The following SAMM50 variants were observed in gnomAD, a reference collection of about 807,000 sequenced individuals.
SAMM50 encodes sorting and assembly machinery component 50 homolog.
Under a neutral mutation model 66.9 loss-of-function variants are expected in SAMM50, and 47 were observed. That is an observed-to-expected ratio of 0.70 (90% CI 0.56 to 0.90). The LOEUF (loss-of-function observed/expected upper bound fraction) is 0.90. Ranked by LOEUF, SAMM50 falls within the 40% of genes least tolerant of loss-of-function variation. The pLI is 0.00. For missense variants in SAMM50, 535 were observed against 595.3 expected (o/e 0.90, Z 1.05); for synonymous variants, 191 against 214.1 (o/e 0.89, Z 0.94).
Position 43,957,111 on chromosome 22 carries a change from A to G in SAMM50, c.21+1513A>G, listed in dbSNP as rs1159193149. ...CCAAAGGGAGCACACAGCTCTTCTT[A>G]AAATTGAAGGTGTTTATGCCCGAGA... On this transcript the variant is annotated intron_variant, in intron 1 of 14. Coordinates refer to ENST00000350028, the MANE Select transcript of SAMM50 (RefSeq NM_015380.5). 4 of 889,604 alleles carry G rather than the reference A, an allele frequency of 4.5e-6. No homozygotes were observed. The African/African-American group carries it at 6.6e-5, about 15-fold the overall frequency. 55.1% of individuals were successfully genotyped at this position (889,604 alleles called of 1,614,324 possible).
At chr22:43,982,535 A>C (rs1273673485) in intron 11 of SAMM50, among the ~76,000 whole-genome samples, 1 of 152,258 alleles carries the variant, frequency 6.6e-6, no homozygotes, top group African/African-American at 2.4e-5. Context: ...TGGGCACCCC[A>C]GAGCCTGGGA....
intron 14 of SAMM50, among the ~76,000 whole-genome samples, chr22:43,993,261 C>T (rs1197869000): frequency 6.6e-6 from 1 of 152,210 alleles, no homozygotes; most frequent in African/African-American, 2.4e-5. Context: ...CTCTGGGACC[C>T]GCCACTGTGC....
At position 43,972,251 on chromosome 22, in the gene SAMM50, C is replaced by T; in HGVS notation, c.338C>T (p.Pro113Leu). The change falls in exon 5 of 15, where the codon CCA becomes CTA. Residue 113 changes from proline to leucine, a missense_variant. By Grantham distance (98) the Pro-to-Leu change is moderately conservative. Coordinates refer to ENST00000350028, the MANE Select transcript of SAMM50 (RefSeq NM_015380.5). ...IDTCQGDDAL[P>L]NGLDVTFEVT... is the part of the protein sequence containing the mutation. ...TTTTATTTAGGTGATGACGCACTTC[C>T]AAATGGGTTAGACGTTACCTTTGAA... The T allele has an allele frequency of 6.3e-7, 1 of 1,582,168 alleles. No homozygotes were observed. Among genetic ancestry groups the T allele is most frequent in the South Asian group, 1.2e-5 (1 of 84,496 alleles).
At position 43,963,302 on chromosome 22, in the gene SAMM50, C is replaced by A; in HGVS notation, c.38C>A (p.Pro13Gln). 6.2e-7 allele frequency: 1 copy of A among 1,609,570 alleles called. No homozygotes were observed. Among genetic ancestry groups the A allele is most frequent in the East Asian group, 2.2e-5 (1 of 44,640 alleles). The change falls in exon 2 of 15, where the codon CCA becomes CAA. Residue 13 changes from proline (P) to glutamine (Q), a missense_variant. By Grantham distance (76) the Pro-to-Gln change is moderately conservative. Transcript: ENST00000350028. ...CCCTTTCAGAGTTTGGAGCCTCTTC[C>A]ATCAAGTGGACCTGATTTTGGAGGA... is the stretch of plus-strand genomic sequence containing the variant. ...TVHARSLEPLPSSGPDFGGLG... is the reference protein window; with the variant it reads ...TVHARSLEPLQSSGPDFGGLG...
chr22:43,963,145 G>C, intron 1 of SAMM50, 141 bp from the exon 2 acceptor site: 1 of 550,578 alleles, frequency 1.8e-6, no homozygotes, highest in Non-Finnish European at 3.2e-6. Context: ...TTACTCCCTG[G>C]TCCCTATTCC....
chr22:43,958,631 A>G (rs2050132359), intron 1 of SAMM50, among the ~76,000 whole-genome samples: 1 of 151,988 alleles, frequency 6.6e-6, no homozygotes, highest in South Asian at 2.1e-4. Context: ...GGCGTGTGCC[A>G]TCACACCTGG....
intron 14 of SAMM50, among the ~76,000 whole-genome samples, chr22:43,994,086 G>T (rs992941317): frequency 6.6e-6 from 1 of 152,174 alleles, no homozygotes; most frequent in Non-Finnish European, 1.5e-5. Context: ...TTGTTGGGGA[G>T]GGTGCTGAGA....
intron 14 of SAMM50, among the ~76,000 whole-genome samples, chr22:43,991,234 C>T (rs2050323166): frequency 6.6e-6 from 1 of 151,798 alleles, no homozygotes; most frequent in African/African-American, 2.4e-5. Context: ...CCTCAGCCTC[C>T]CAAAGTGCTG....
intron 1 of SAMM50, chr22:43,957,390 G>GA (rs748564771): frequency 0.033 from 11,933 of 363,436 alleles, 26 homozygotes; most frequent in Middle Eastern, 0.042. Flanking sequence ...TTGTGCTCTT[G>GA]AAAAAAAAAA....
intron 12 of SAMM50, among the ~76,000 whole-genome samples, chr22:43,984,879 C>T (rs2050284396): frequency 6.6e-6 from 1 of 151,968 alleles, no homozygotes; most frequent in African/African-American, 2.4e-5. Context: ...ATCCACCGGC[C>T]TTGGCCTTCT....
intron 3 of SAMM50, among the ~76,000 whole-genome samples, chr22:43,967,230 C>A (rs1170411961): frequency 6.6e-6 from 1 of 152,212 alleles, no homozygotes; most frequent in Non-Finnish European, 1.5e-5. Context: ...CTAGCCAGCT[C>A]CTCTGTGTTG....
rs5764449 is a variant in SAMM50 at position 43,985,763 on chromosome 22, C to A, written c.1075+1763C>A. ...TGTTTGGTCACGTGTTAAGAGCACG[C>A]CTCCCCTTTGTAAGGAGCTGCCAGG... On this transcript the variant is annotated intron_variant, in intron 12 of 14. Coordinates refer to ENST00000350028, the MANE Select transcript of SAMM50 (RefSeq NM_015380.5). Among the ~76,000 whole-genome samples the A allele has an allele frequency of 5.3e-5, 8 of 152,070 alleles. No individual in the cohort carries two copies. In the East Asian group the frequency reaches 1.5e-3, roughly 29 times the overall value.
At chr22:43,994,722 C>T (rs1407315573) in intron 14 of SAMM50, among the ~76,000 whole-genome samples, 1 of 152,136 alleles carries the variant, frequency 6.6e-6, no homozygotes, top group Non-Finnish European at 1.5e-5. Context: ...ATGTTTGGGG[C>T]TGTCTGGAGG....
rs569129809 is a variant in SAMM50 at position 43,964,549 on chromosome 22, T to C, written c.230T>C (p.Ile77Thr). The C allele has an allele frequency of 4.5e-6, 7 of 1,548,094 alleles. No homozygotes were observed. In the African/African-American group the frequency reaches 5.4e-5, roughly 12 times the overall value. Residue 77 changes from isoleucine (I) to threonine (T), a missense_variant, in exon 3 of 15, where the codon ATT (isoleucine) becomes ACT (threonine). By Grantham distance (89) the Ile-to-Thr change is moderately conservative. Coordinates refer to ENST00000350028, the MANE Select transcript of SAMM50 (RefSeq NM_015380.5). ...IGDVFKAKNL[I>T]EVMRKSHEAR... ...GATGTTTTCAAGGCCAAAAACCTAA[T>C]TGAGGTAGGTGTGGTCTCTACATGG...
At chr22:43,976,500 G>C (rs532389833) in intron 8 of SAMM50, among the ~76,000 whole-genome samples, 1 of 152,328 alleles carries the variant, frequency 6.6e-6, no homozygotes, top group East Asian at 1.9e-4. Context: ...CCCGGTGGTG[G>C]GTGTTCAACT....
intron 9 of SAMM50, among the ~76,000 whole-genome samples, chr22:43,977,069 T>C (rs1017000924): frequency 6.6e-6 from 1 of 152,210 alleles, no homozygotes; most frequent in African/African-American, 2.4e-5. Context: ...TGTGGCATCC[T>C]TGATGAGGGC....
chr22:43,976,268 G>T, intron 8 of SAMM50, 85 bp downstream of exon 8: 6 of 1,491,152 alleles, frequency 4.0e-6, no homozygotes, highest in Admixed American at 1.9e-5. Context: ...CCAATATCAG[G>T]GCTGACTGAG....
chr22:43,996,061 G>A, intron 14 of SAMM50: 3 of 507,428 alleles, frequency 5.9e-6, no homozygotes, highest in South Asian at 2.2e-5. Flanking sequence ...AGAGGGGAAC[G>A]TGAAGGAGGT....
chr22:43,972,891 T>C lies in SAMM50; in HGVS notation c.450T>C (p.Pro150=). 1.3e-6 allele frequency: 2 copies of C among 1,599,400 alleles called. No homozygotes were observed. The highest frequency in any genetic ancestry group is 8.5e-7 in the Non-Finnish European group (1 of 1,176,656). The change falls in exon 6 of 15, where the codon CCT becomes CCC. Residue 150 remains proline (P), a synonymous_variant. Coordinates refer to ENST00000350028, the MANE Select transcript of SAMM50 (RefSeq NM_015380.5). ...CCTAGGTACTTGGCCTCAAGCTTCC[T>C]AATCTTCTTGGTCGTGCAGAAAAGG... ...EGSMVLGLKL[P]NLLGRAEKVT... is the part of the protein sequence containing the mutation.
Sources: allele counts gnomAD v4.1 joint callset (sites outside exome capture counted in the v4.1 genomes callset), GRCh38; gene constraint gnomAD v4.1.1; transcripts MANE v1.5; gene names NCBI Gene and HGNC (gene_info 2026-07-23, HGNC 2026-07-21).